The following SHISA9 variants were observed in gnomAD, a reference collection of about 807,000 sequenced individuals.
The protein encoded by SHISA9 is shisa family member 9, also known as protein shisa-9.
Under a neutral mutation model 38.0 loss-of-function variants are expected in SHISA9, and 13 were observed. The observed-to-expected ratio is 0.34, with a 90% CI of 0.22 to 0.54. The LOEUF (loss-of-function observed/expected upper bound fraction) is 0.54, where lower values mean the gene tolerates loss of function less well. Ranked by LOEUF, SHISA9 falls within the 20% of genes least tolerant of loss-of-function variation. The probability of loss-of-function intolerance (pLI) is 0.91; values close to 1 mark genes in which losing one functional copy is unlikely to be tolerated. For synonymous variants in SHISA9, 275 were observed against 242.0 expected (o/e 1.14, Z -1.27); for missense variants, 538 against 575.8 (o/e 0.93, Z 0.67).
At chr16:13,386,568 TAGA>T in the SHISA9 span, among the ~76,000 whole-genome samples, 80 of 152,362 alleles carry the variant, frequency 5.3e-4, 1 homozygote, top group East Asian at 0.015. Context: ...ATCAGTTTCT[TAGA>T]AGTGTGTCTG....
chr16:13,362,879 C>T, the SHISA9 span, among the ~76,000 whole-genome samples: 1 of 151,978 alleles, frequency 6.6e-6, no homozygotes, highest in Non-Finnish European at 1.5e-5. Context: ...TTCTTTAATC[C>T]CCAAGTGACT....
chr16:13,520,363 G>T, the SHISA9 span, among the ~76,000 whole-genome samples: 1 of 152,120 alleles, frequency 6.6e-6, no homozygotes, highest in East Asian at 1.9e-4. Flanking sequence ...ACTTTGGGAG[G>T]CCAAGGCGGG....
the SHISA9 span, among the ~76,000 whole-genome samples, chr16:13,253,018 G>A: frequency 6.6e-6 from 1 of 152,134 alleles, no homozygotes; most frequent in Admixed American, 6.5e-5. Flanking sequence ...TGAGGATGAA[G>A]ACCTTCATGA....
At chr16:12,933,843 G>T (rs115547728) in intron 2 of SHISA9, among the ~76,000 whole-genome samples, 1 of 152,134 alleles carries the variant, frequency 6.6e-6, no homozygotes, top group Non-Finnish European at 1.5e-5. Flanking sequence ...GACCACGGGA[G>T]CCTATGTTAT....
At chr16:13,042,875 T>C (rs1227637853) in intron 2 of SHISA9, among the ~76,000 whole-genome samples, 1 of 152,218 alleles carries the variant, frequency 6.6e-6, no homozygotes, top group Non-Finnish European at 1.5e-5. Flanking sequence ...CACTAATGCC[T>C]AGAAGCATCC....
the SHISA9 span, among the ~76,000 whole-genome samples, chr16:13,283,614 C>T: frequency 6.6e-6 from 1 of 151,934 alleles, no homozygotes; most frequent in African/African-American, 2.4e-5. Context: ...ATGGGGGAAA[C>T]CACCCCCATG....
intron 2 of SHISA9, among the ~76,000 whole-genome samples, chr16:13,186,653 G>T (rs558552046): frequency 7.9e-5 from 12 of 152,196 alleles, no homozygotes; most frequent in Admixed American, 4.6e-4. Flanking sequence ...CATTCGCATT[G>T]TTGTGCAACC....
the SHISA9 span, among the ~76,000 whole-genome samples, chr16:13,551,137 A>G: frequency 6.7e-6 from 1 of 149,586 alleles, no homozygotes; most frequent in Non-Finnish European, 1.5e-5. Context: ...AAAAAAAAAA[A>G]GAAGTGATGG....
the SHISA9 span, chr16:13,332,606 A>G: frequency 2.0e-5 from 3 of 152,230 alleles, no homozygotes; most frequent in Non-Finnish European, 2.9e-5. Context: ...AGATCCTTCC[A>G]TCAGCACAGC....
chr16:13,379,081 A>G, the SHISA9 span, among the ~76,000 whole-genome samples: 2 of 149,704 alleles, frequency 1.3e-5, no homozygotes, highest in Admixed American at 1.3e-4. Context: ...CCTACCCTCT[A>G]GGGACTCAAG....
At chr16:13,519,678 C>T in the SHISA9 span, among the ~76,000 whole-genome samples, 1 of 152,150 alleles carries the variant, frequency 6.6e-6, no homozygotes, top group African/African-American at 2.4e-5. Flanking sequence ...GCTGGGGAGG[C>T]CTCAGAAAAC....
the SHISA9 span, among the ~76,000 whole-genome samples, chr16:13,311,489 T>G: frequency 2.0e-5 from 3 of 152,290 alleles, no homozygotes; most frequent in African/African-American, 7.2e-5. Context: ...CTCTTCCTTT[T>G]AACTCCTGGG....
chr16:13,367,748 A>ACACC, the SHISA9 span, among the ~76,000 whole-genome samples: 9 of 143,584 alleles, frequency 6.3e-5, no homozygotes, highest in East Asian at 4.1e-4. Flanking sequence ...ACACACACAC[A>ACACC]CCCCTGAATT....
At chr16:12,990,965 A>T (rs148853605) in intron 2 of SHISA9, among the ~76,000 whole-genome samples, 1 of 152,236 alleles carries the variant, frequency 6.6e-6, no homozygotes, top group South Asian at 2.1e-4. Context: ...AATATCAAAT[A>T]GCTTTCCAGA....
At chr16:13,459,362 C>G in the SHISA9 span, among the ~76,000 whole-genome samples, 1 of 151,974 alleles carries the variant, frequency 6.6e-6, no homozygotes, top group South Asian at 2.1e-4. Flanking sequence ...AGAGATCTCT[C>G]AATACCACCT....
chr16:13,181,015 A>T (rs370470939), intron 2 of SHISA9, among the ~76,000 whole-genome samples: 1 of 152,058 alleles, frequency 6.6e-6, no homozygotes, highest in Non-Finnish European at 1.5e-5. Context: ...ATTGTGCTGG[A>T]TACTGGCATT....
At chr16:13,059,407 G>T (rs1268600380) in intron 2 of SHISA9, among the ~76,000 whole-genome samples, 1 of 152,182 alleles carries the variant, frequency 6.6e-6, no homozygotes, top group African/African-American at 2.4e-5. Context: ...GATTACAGGC[G>T]TGAGCCACCG....
the SHISA9 span, chr16:13,246,192 C>T: frequency 1.3e-5 from 2 of 152,134 alleles, no homozygotes. Context: ...GTGGGAGGGA[C>T]CTGGGGGGAG....
At chr16:13,304,754 G>A in the SHISA9 span, among the ~76,000 whole-genome samples, 1 of 152,168 alleles carries the variant, frequency 6.6e-6, no homozygotes, top group Non-Finnish European at 1.5e-5. Context: ...TTCGTAGTGA[G>A]GTTAAGCAAC....
Sources: gnomAD v4.1 joint callset for allele counts (sites outside exome capture counted in the v4.1 genomes callset) on GRCh38, gnomAD v4.1.1 for gene constraint, MANE v1.5 for transcripts, NCBI Gene and HGNC (gene_info 2026-07-23, HGNC 2026-07-21) for gene names.